Variants in PHLPP2 observed in about 807,000 individuals in gnomAD.
The protein encoded by PHLPP2 is PH domain leucine-rich repeat-containing protein phosphatase 2.
PHLPP2 carries 66 observed loss-of-function variants against 124.9 expected under a neutral mutation model. The observed-to-expected ratio is 0.53, with a 90% confidence interval of 0.43 to 0.65. The LOEUF is 0.65. Ranked by LOEUF, PHLPP2 falls within the 30% of genes least tolerant of loss-of-function variation. The probability of loss-of-function intolerance (pLI) is 0.00; values close to 1 mark genes in which losing one functional copy is unlikely to be tolerated. For synonymous variants in PHLPP2, 681 were observed against 624.7 expected, an observed-to-expected ratio of 1.09 and a Z score of -1.34; for missense variants, 1,685 against 1,600.4, an observed-to-expected ratio of 1.05 and a Z score of -0.90.
In PHLPP2 at chr16:71,676,516, C is replaced by A; in HGVS notation, c.1402G>T (p.Gly468Trp). Reference sequence around the variant, plus strand: ...GTTAGCTCCCTCAGCTGATTCCGCCCACAGTGCAGCTGTTCCAAGCTGCAT... The same window carrying A: ...GTTAGCTCCCTCAGCTGATTCCGCCAACAGTGCAGCTGTTCCAAGCTGCAT... ...SLCSLEQLHC[G>W]RNQLRELTLS... The change falls in exon 9 of 19, where the codon GGG becomes TGG. Residue 468 changes from glycine to tryptophan, a missense_variant. Coordinates refer to ENST00000568954, the MANE Select transcript of PHLPP2 (RefSeq NM_015020.3). 2 of 1,614,218 alleles carry A rather than the reference C, an allele frequency of 1.2e-6. No homozygotes were observed. Among genetic ancestry groups the A allele is most frequent in the Non-Finnish European group, 1.7e-6 (2 of 1,180,010 alleles).
rs1308012149 is a variant in PHLPP2, at chr16:71,656,632, A to T, written c.2329T>A (p.Ser777Thr). Residue 777 changes from serine to threonine, a missense_variant, in exon 16 of 19, where the codon TCT becomes ACT. Coordinates refer to ENST00000568954, the MANE Select transcript of PHLPP2 (RefSeq NM_015020.3). ...CTCCAGAAGGTTGACGTAACTGTAG[A>T]ATCTGTGGTTGGCAAAGGTTTCTGA... ...IDQKPLPTTD[S>T]TVTSTFWSHG... 11 of 1,613,708 alleles carry T rather than the reference A, an allele frequency of 6.8e-6. No homozygotes were observed. Among genetic ancestry groups the T allele is most frequent in the Admixed American group, 6.7e-5 (4 of 59,998 alleles).
rs773084001 is a variant in PHLPP2, at chr16:71,658,654, T to G, written c.2147A>C (p.Gln716Pro). Residue 716 changes from glutamine to proline, a missense_variant and splice_region_variant, in exon 14 of 19, where the codon CAG (glutamine) becomes CCG (proline). Coordinates refer to ENST00000568954, the MANE Select transcript of PHLPP2 (RefSeq NM_015020.3). ...CATCATTCCAGCACACAGAAGTACC[T>G]GGATCTGAGGCAACTGCAGTATTTC... ...FPEILQLPQI[Q>P]FVDLSCNDLT... The G allele has an allele frequency of 6.2e-7, 1 of 1,613,844 alleles. No homozygotes were observed. The highest frequency in any genetic ancestry group is 1.3e-5 in the African/African-American group (1 of 74,922).
intron 18 of PHLPP2, among the ~76,000 whole-genome samples, chr16:71,652,438 T>C (rs2044703373): frequency 1.3e-5 from 2 of 152,216 alleles, no homozygotes; most frequent in Non-Finnish European, 2.9e-5. Context: ...CATTTCAGAA[T>C]GGGGATGTCA....
At chr16:71,691,089 T>C (rs2045106991) in intron 3 of PHLPP2, among the ~76,000 whole-genome samples, 1 of 152,214 alleles carries the variant, frequency 6.6e-6, no homozygotes, top group African/African-American at 2.4e-5. Context: ...TTTATTCTCA[T>C]TACGCTTTAC....
chr16:71,706,866 C>T (rs1378056833), intron 2 of PHLPP2, among the ~76,000 whole-genome samples: 2 of 151,288 alleles, frequency 1.3e-5, no homozygotes, highest in Admixed American at 6.6e-5. Context: ...CTTATTCACA[C>T]CAAGAAACCT....
intron 2 of PHLPP2, among the ~76,000 whole-genome samples, chr16:71,708,390 C>A (rs2045298234): frequency 6.6e-6 from 1 of 152,148 alleles, no homozygotes. Context: ...AACCCCCAAC[C>A]CTGCCCGCAA....
intron 16 of PHLPP2, among the ~76,000 whole-genome samples, chr16:71,655,953 T>C (rs1298828735): frequency 6.6e-6 from 1 of 152,192 alleles, no homozygotes; most frequent in African/African-American, 2.4e-5. Flanking sequence ...GGGCAGTACA[T>C]ATTAGCTTTG....
At chr16:71,695,028 G>T (rs1296603236) in intron 3 of PHLPP2, among the ~76,000 whole-genome samples, 1 of 151,972 alleles carries the variant, frequency 6.6e-6, no homozygotes, top group Non-Finnish European at 1.5e-5. Flanking sequence ...CTCATGATCC[G>T]CCCGTCTTGG....
In PHLPP2 at chr16:71,672,272, C is replaced by T. The variant is rs549764481; in HGVS notation, c.1522G>A (p.Asp508Asn). Reference sequence around the variant, plus strand: ...ATGAAAGACACTCACCGGGAGAGATCCAAGAAAGTGAGCAGGCTGGGTACT... The same window carrying T: ...ATGAAAGACACTCACCGGGAGAGATTCAAGAAAGTGAGCAGGCTGGGTACT... ...YPVPSLLTFL[D>N]LSRNLLECVP... The change falls in exon 10 of 19, where the codon GAT (aspartate) becomes AAT (asparagine). Residue 508 changes from aspartate to asparagine, a missense_variant. Asp to Asn is a conservative substitution (Grantham distance 23, BLOSUM62 1). Transcript: ENST00000568954. The T allele has an allele frequency of 1.9e-6, 3 of 1,612,998 alleles. No homozygotes were observed. Among genetic ancestry groups the T allele is most frequent in the Non-Finnish European group, 2.5e-6 (3 of 1,179,060 alleles).
chr16:71,708,764 C>G (rs1178039757), intron 2 of PHLPP2, among the ~76,000 whole-genome samples: 1 of 152,058 alleles, frequency 6.6e-6, no homozygotes, highest in African/African-American at 2.4e-5. Context: ...CCAGCTTGGG[C>G]AACAGAATGA....
chr16:71,649,247 G>C lies in PHLPP2; in HGVS notation c.3615C>G (p.Ile1205Met), dbSNP rs185976247. The change falls in exon 19 of 19, where the codon ATC becomes ATG. Residue 1205 changes from isoleucine to methionine, a missense_variant. Coordinates refer to ENST00000568954, the MANE Select transcript of PHLPP2 (RefSeq NM_015020.3). The part of the protein sequence containing the change: ...EEHARGSCFG[I>M]RRQNSVNSGM... The stretch of plus-strand genomic sequence containing the variant: ...CACTATTCACACTGTTCTGTCTTCG[G>C]ATCCCAAAACACGACCCTCTAGCAT... The C allele has an allele frequency of 6.2e-7, 1 of 1,613,934 alleles. No individual in the cohort carries two copies. Among genetic ancestry groups the C allele is most frequent in the Non-Finnish European group, 8.5e-7 (1 of 1,179,942 alleles).
chr16:71,685,339 A>G (rs953144826), intron 4 of PHLPP2, among the ~76,000 whole-genome samples: 1 of 152,208 alleles, frequency 6.6e-6, no homozygotes. Flanking sequence ...ACAAAAAAAG[A>G]AATTCTCCCC....
At chr16:71,684,357 C>T in intron 5 of PHLPP2, 119 bp downstream of exon 5, 1 of 952,026 alleles carries the variant, frequency 1.1e-6, no homozygotes, top group Non-Finnish European at 1.6e-6. Context: ...AACTCCCAAC[C>T]TCAGGTGATC....
intron 3 of PHLPP2, among the ~76,000 whole-genome samples, chr16:71,696,016 T>G (rs542703157): frequency 3.3e-5 from 5 of 152,160 alleles, no homozygotes; most frequent in Non-Finnish European, 7.4e-5. Context: ...ATTACACTTG[T>G]GTAGTTAAAC....
rs371926622 is a variant in PHLPP2, at chr16:71,676,569, C to T, written c.1349G>A (p.Arg450Gln). ...HITHVDLRDN[R>Q]LTDLDLSSLC... ...GGAGCTAAGATCCAAGTCAGTCAGT[C>T]GGTTGTCCCGCAGATCCACGTGGGT... is the stretch of plus-strand genomic sequence containing the variant. Residue 450 changes from arginine (R) to glutamine (Q), a missense_variant, in exon 9 of 19, where the codon CGA becomes CAA. Arg to Gln is a conservative substitution (Grantham distance 43). Coordinates refer to ENST00000568954, the MANE Select transcript of PHLPP2 (RefSeq NM_015020.3). 1.4e-5 allele frequency: 23 copies of T among 1,613,860 alleles called. No homozygotes were observed. Among genetic ancestry groups the T allele is most frequent in the Non-Finnish European group, 1.9e-5 (22 of 1,179,828 alleles).
chr16:71,706,448 C>A (rs1014305116), intron 2 of PHLPP2, among the ~76,000 whole-genome samples: 1 of 152,104 alleles, frequency 6.6e-6, no homozygotes, highest in Non-Finnish European at 1.5e-5. Flanking sequence ...AAACTATACA[C>A]TATTAAAATC....
At chr16:71,692,742 T>G (rs943704025) in intron 3 of PHLPP2, among the ~76,000 whole-genome samples, 3 of 152,220 alleles carry the variant, frequency 2.0e-5, no homozygotes, top group African/African-American at 7.2e-5. Flanking sequence ...CCTGTATAAT[T>G]TGAATAATCT....
rs746137422 is a variant in PHLPP2 at position 71,649,223 on chromosome 16, A to G, written c.3639T>C (p.Ser1213=). 4 of 1,613,964 alleles carry G rather than the reference A, an allele frequency of 2.5e-6. No homozygotes were observed. Among genetic ancestry groups the G allele is most frequent in the Non-Finnish European group, 3.4e-6 (4 of 1,179,906 alleles). Residue 1213 remains serine, a synonymous_variant, in exon 19 of 19, where the codon AGT becomes AGC. Transcript: ENST00000568954. The part of the protein sequence containing the change: ...FGIRRQNSVN[S]GMLLPMSKDR... ...CCTTGCTCATTGGCAGGAGCATGCC[A>G]CTATTCACACTGTTCTGTCTTCGGA...
Position 71,697,968 on chromosome 16 carries a change from C to A in PHLPP2, c.418+4630G>T, listed in dbSNP as rs544274421. Reference sequence around the variant, plus strand: ...GTTCACACCATTCTCCCACCTCAGCCTCCAGAGTAGCTGGGACTACAGGCA... The same window carrying A: ...GTTCACACCATTCTCCCACCTCAGCATCCAGAGTAGCTGGGACTACAGGCA... On this transcript the variant is annotated intron_variant, in intron 3 of 18. Transcript: ENST00000568954. Among the ~76,000 whole-genome samples the A allele has an allele frequency of 2.2e-4, 33 of 152,022 alleles. 1 individual carries two copies. Among genetic ancestry groups the A allele is most frequent in the African/African-American group, 7.5e-4 (31 of 41,452 alleles).
Sources: allele counts gnomAD v4.1 joint callset (sites outside exome capture counted in the v4.1 genomes callset), GRCh38; gene constraint gnomAD v4.1.1; transcripts MANE v1.5; gene names NCBI Gene and HGNC (gene_info 2026-07-23, HGNC 2026-07-21).